Variants in ZNF469 observed in about 807,000 individuals in gnomAD.
ZNF469 encodes zinc finger protein 469.
A neutral mutation model predicts 1.0 loss-of-function variants in ZNF469; 1 was observed. That is an observed-to-expected ratio of 1.00 (90% CI 0.35 to 4.73). The LOEUF is 4.73. Among genes scored for constraint, ZNF469 ranks in the 30% most tolerant of loss-of-function variants. ZNF469 has a pLI of 0.16. For missense variants in ZNF469, 6,100 were observed against 5,356.3 expected (o/e 1.14, Z -4.33); for synonymous variants, 2,703 against 2,363.4 (o/e 1.14, Z -4.17).
chr16:88,129,347 C>T, the ZNF469 span, among the ~76,000 whole-genome samples: 1 of 152,224 alleles, frequency 6.6e-6, no homozygotes. Flanking sequence ...CTCGGTGAGT[C>T]TTGCCACTGC....
chr16:88,370,858 A>C, the ZNF469 span, among the ~76,000 whole-genome samples: 1 of 152,234 alleles, frequency 6.6e-6, no homozygotes, highest in Non-Finnish European at 1.5e-5. Context: ...GCAAGTAGAA[A>C]AAGCTTGGAA....
chr16:88,133,465 G>T, the ZNF469 span, among the ~76,000 whole-genome samples: 1 of 152,190 alleles, frequency 6.6e-6, no homozygotes, highest in Admixed American at 6.5e-5. Flanking sequence ...GCCGCCTGGG[G>T]CTCTGAGTCC....
the ZNF469 span, among the ~76,000 whole-genome samples, chr16:88,226,543 G>T: frequency 1.3e-5 from 2 of 152,152 alleles, no homozygotes; most frequent in African/African-American, 4.8e-5. Flanking sequence ...GGAGAGAGGA[G>T]TTCCTGAAGC....
chr16:88,345,540 G>C, the ZNF469 span, among the ~76,000 whole-genome samples: 1 of 152,078 alleles, frequency 6.6e-6, no homozygotes, highest in East Asian at 1.9e-4. Flanking sequence ...ATGTGGGCAC[G>C]TCACTGCCCT....
chr16:88,263,691 C>A, the ZNF469 span, among the ~76,000 whole-genome samples: 1 of 152,118 alleles, frequency 6.6e-6, no homozygotes, highest in Non-Finnish European at 1.5e-5. Context: ...CGCCAGAGGA[C>A]CCGTAGCCCC....
At chr16:88,111,149 C>T in the ZNF469 span, among the ~76,000 whole-genome samples, 1 of 152,214 alleles carries the variant, frequency 6.6e-6, no homozygotes, top group South Asian at 2.1e-4. Context: ...TTTCCTGCAG[C>T]GATGGGGCTG....
intron 1 of ZNF469, among the ~76,000 whole-genome samples, chr16:88,403,223 A>G (rs1336907916): frequency 6.6e-6 from 1 of 152,244 alleles, no homozygotes; most frequent in African/African-American, 2.4e-5. Context: ...CAGGGTGGCC[A>G]TGCATCCTGG....
chr16:88,200,873 G>A, the ZNF469 span, among the ~76,000 whole-genome samples: 5 of 152,238 alleles, frequency 3.3e-5, no homozygotes, highest in Admixed American at 6.5e-5. Context: ...CTCAGGTCGC[G>A]TTCCTCCGGC....
At chr16:88,102,806 C>A in the ZNF469 span, among the ~76,000 whole-genome samples, 1 of 152,244 alleles carries the variant, frequency 6.6e-6, no homozygotes, top group Non-Finnish European at 1.5e-5. Context: ...CCGCAGGGCC[C>A]CTGATCGCCG....
the ZNF469 span, among the ~76,000 whole-genome samples, chr16:88,261,856 C>T: frequency 1.3e-5 from 2 of 152,156 alleles, no homozygotes; most frequent in Non-Finnish European, 2.9e-5. The surrounding 1 kb of genome is among the most constrained non-coding windows in gnomAD (Gnocchi z 6.0). Context: ...TGGCTGTTCC[C>T]TGCTGGTGGC....
the ZNF469 span, among the ~76,000 whole-genome samples, chr16:88,317,374 C>G: frequency 1.3e-5 from 2 of 152,198 alleles, no homozygotes; most frequent in African/African-American, 4.8e-5. Context: ...AAACGTGGTC[C>G]TAGGGGGACC....
intron 1 of ZNF469, among the ~76,000 whole-genome samples, chr16:88,412,866 A>C (rs1192627196): frequency 6.6e-6 from 1 of 151,976 alleles, no homozygotes; most frequent in African/African-American, 2.4e-5. Context: ...TCACTTTAAA[A>C]CCTGGATTTC....
At chr16:88,300,077 C>A in the ZNF469 span, among the ~76,000 whole-genome samples, 1 of 152,212 alleles carries the variant, frequency 6.6e-6, no homozygotes, top group Admixed American at 6.5e-5. Flanking sequence ...CCCTGCTCGG[C>A]CTGACTGGCT....
At chr16:88,314,555 G>A in the ZNF469 span, among the ~76,000 whole-genome samples, 2 of 149,874 alleles carry the variant, frequency 1.3e-5, no homozygotes, top group Non-Finnish European at 3.0e-5. Flanking sequence ...TGCTGGTGTG[G>A]ACTGTCATCT....
At chr16:88,248,318 G>A in the ZNF469 span, among the ~76,000 whole-genome samples, 9 of 152,318 alleles carry the variant, frequency 5.9e-5, no homozygotes, top group African/African-American at 1.2e-4. Context: ...TGAAAAAGGC[G>A]GTCAAATGGA....
chr16:88,413,257 G>A (rs1567504459), intron 1 of ZNF469, among the ~76,000 whole-genome samples: 1 of 152,230 alleles, frequency 6.6e-6, no homozygotes, highest in East Asian at 1.9e-4. Flanking sequence ...GGAAATGGCT[G>A]GGTGCTGAGG....
At chr16:88,109,973 G>A in the ZNF469 span, among the ~76,000 whole-genome samples, 1 of 152,240 alleles carries the variant, frequency 6.6e-6, no homozygotes, top group Non-Finnish European at 1.5e-5. Context: ...AGGCTAGGTG[G>A]CCATCTGTGT....
the ZNF469 span, among the ~76,000 whole-genome samples, chr16:88,334,329 C>T: frequency 6.6e-6 from 1 of 152,150 alleles, no homozygotes; most frequent in Non-Finnish European, 1.5e-5. Context: ...AACAATCTTA[C>T]CTGAAACGCT....
At chr16:88,210,084 G>A in the ZNF469 span, among the ~76,000 whole-genome samples, 1 of 152,224 alleles carries the variant, frequency 6.6e-6, no homozygotes, top group African/African-American at 2.4e-5. Context: ...CATTGTTGCA[G>A]TCTGAGAGGT....
Sources: gnomAD v4.1 joint callset for allele counts (sites outside exome capture counted in the v4.1 genomes callset) on GRCh38, gnomAD v4.1.1 for gene constraint, Gnocchi (gnomAD v3.1) non-coding constraint, MANE v1.5 for transcripts, NCBI Gene and HGNC (gene_info 2026-07-23, HGNC 2026-07-21) for gene names.